MAGEC3: variants seen among roughly 807,000 people sequenced by gnomAD.
MAGEC3 encodes melanoma-associated antigen C3.
A neutral mutation model predicts 35.3 loss-of-function variants in MAGEC3; 34 were observed. The ratio of observed to expected loss-of-function variants is 0.96; its 90% CI spans 0.73 to 1.28. The LOEUF is 1.28. Among genes scored for constraint, MAGEC3 ranks in the 50% most tolerant of loss-of-function variants. The pLI, the probability that MAGEC3 is intolerant of heterozygous loss-of-function variation, is 0.00. For missense variants in MAGEC3, 561 were observed against 483.6 expected (o/e 1.16, Z -1.50); for synonymous variants, 202 against 185.6 (o/e 1.09, Z -0.72).
intron 1 of MAGEC3, among the ~76,000 whole-genome samples, chrX:141,864,206 A>G (rs186753026): frequency 2.8e-5 from 3 of 108,364 alleles, no homozygotes; most frequent in Admixed American, 2.0e-4. Context: ...TGGCCTGGGC[A>G]TGGTGGCTCA....
intron 1 of MAGEC3, among the ~76,000 whole-genome samples, chrX:141,842,523 T>C (rs1159787523): frequency 8.9e-6 from 1 of 111,883 alleles, no homozygotes; most frequent in African/African-American, 3.2e-5. Flanking sequence ...GTGGTAGGTG[T>C]TGTCACGTTT....
intron 1 of MAGEC3, among the ~76,000 whole-genome samples, chrX:141,863,456 G>T (rs1035197294): frequency 7.2e-5 from 8 of 111,461 alleles, no homozygotes; most frequent in Non-Finnish European, 1.1e-4. Flanking sequence ...ATGAACCCTA[G>T]CTAAATTGTA....
intron 1 of MAGEC3, among the ~76,000 whole-genome samples, chrX:141,858,808 A>T (rs2017797444): frequency 9.0e-6 from 1 of 111,080 alleles, no homozygotes; most frequent in African/African-American, 3.3e-5. Flanking sequence ...GTATGTATAT[A>T]TATAACAACA....
chrX:141,869,269 T>C (rs1281986360), intron 2 of MAGEC3, among the ~76,000 whole-genome samples: 4 of 111,796 alleles, frequency 3.6e-5, no homozygotes, highest in African/African-American at 1.3e-4. Flanking sequence ...TGTGTTCTGT[T>C]ACAAAAGAAA....
At chrX:141,890,999 TA>T (rs1290355448) in intron 4 of MAGEC3, among the ~76,000 whole-genome samples, 6 of 112,089 alleles carry the variant, frequency 5.4e-5, no homozygotes, top group Non-Finnish European at 1.1e-4. Flanking sequence ...ACTGTGTGAT[TA>T]AACAATAGAA....
chrX:141,838,348 C>T lies in MAGEC3; in HGVS notation c.33C>T (p.Ala11=), dbSNP rs138322375. The stretch of plus-strand genomic sequence containing the variant: ...TGCCCTGCCACTGGGTGTTGGATGC[C>T]ACCTTCAGTGATGGCAGTCTAGGCC... MLLPCHWVLD[A]TFSDGSLGQW... The change falls in exon 1 of 8, where the codon GCC becomes GCT. Residue 11 remains alanine, a synonymous_variant. Transcript: ENST00000298296. The T allele has an allele frequency of 8.8e-5, 106 of 1,209,483 alleles. No individual in the cohort carries two copies. In the Middle Eastern group the frequency reaches 2.1e-3, roughly 24 times the overall value.
At chrX:141,860,854 G>A (rs147187748) in intron 1 of MAGEC3, among the ~76,000 whole-genome samples, 1,679 of 111,555 alleles carry the variant, frequency 0.015, 14 homozygotes, top group Middle Eastern at 0.037. Flanking sequence ...GGAATGCAAA[G>A]TGGTTCTGGA....
chrX:141,885,557 C>T (rs145498171), intron 4 of MAGEC3, among the ~76,000 whole-genome samples: 1 of 101,005 alleles, frequency 9.9e-6, no homozygotes, highest in Non-Finnish European at 2.0e-5. Context: ...CCCAGCTACT[C>T]AAGAGGCTGA....
chrX:141,880,579 G>A (rs958956025), intron 3 of MAGEC3: 7 of 354,028 alleles, frequency 2.0e-5, no homozygotes, highest in Non-Finnish European at 3.0e-5. Flanking sequence ...CAGCAGAGGA[G>A]GCCCAGGCAA....
At chrX:141,845,948 T>G (rs778770009) in intron 1 of MAGEC3, among the ~76,000 whole-genome samples, 5 of 110,747 alleles carry the variant, frequency 4.5e-5, no homozygotes, top group Non-Finnish European at 5.7e-5. Flanking sequence ...AGAGGTATAG[T>G]GAAAGTAAGT....
At chrX:141,846,503 A>G (rs939093614) in intron 1 of MAGEC3, among the ~76,000 whole-genome samples, 4 of 110,566 alleles carry the variant, frequency 3.6e-5, no homozygotes, top group Non-Finnish European at 7.6e-5. Context: ...AAAATATTTA[A>G]TAGTACAGAC....
At chrX:141,890,098 G>T (rs971212710) in intron 4 of MAGEC3, among the ~76,000 whole-genome samples, 1 of 111,889 alleles carries the variant, frequency 8.9e-6, no homozygotes, top group African/African-American at 3.3e-5. Context: ...ATTTCTGGTT[G>T]TATGAAGGAG....
Position 141,896,951 on chromosome X carries a change from G to T in MAGEC3, c.1193G>T (p.Gly398Val), listed in dbSNP as rs1395481887. The T allele has an allele frequency of 8.4e-6, 10 of 1,188,888 alleles. No homozygotes were observed. The highest frequency in any genetic ancestry group is 4.8e-5 in the Admixed American group (2 of 41,963). ...PQSPPEIPPQ[G>V]PPKISPQGPP... is the part of the protein sequence containing the mutation. Reference sequence around the variant, plus strand: ...AGTCCTCCTGAGATTCCTCCCCAGGGTCCTCCCAAGATCTCTCCCCAGGGT... The same window carrying T: ...AGTCCTCCTGAGATTCCTCCCCAGGTTCCTCCCAAGATCTCTCCCCAGGGT... The change falls in exon 7 of 8, where the codon GGT becomes GTT. Residue 398 changes from glycine (G) to valine (V), a missense_variant. Transcript: ENST00000298296.
chrX:141,896,814 C>T, intron 6 of MAGEC3, 68 bp from the exon 7 acceptor site: 1 of 1,206,139 alleles, frequency 8.3e-7, no homozygotes, highest in East Asian at 3.0e-5. Flanking sequence ...TCCCCTCCTC[C>T]TCTTCCTTGT....
chrX:141,872,693 G>A (rs1477026270), intron 2 of MAGEC3, among the ~76,000 whole-genome samples: 5 of 111,241 alleles, frequency 4.5e-5, no homozygotes, highest in African/African-American at 1.6e-4. Context: ...GAGAGAGAGA[G>A]AGAAAGACGG....
intron 6 of MAGEC3, chrX:141,896,610 C>T: frequency 8.4e-7 from 1 of 1,195,057 alleles, no homozygotes; most frequent in Non-Finnish European, 1.1e-6. Context: ...TCATCCCCAT[C>T]CCTGCTCACA....
intron 1 of MAGEC3, among the ~76,000 whole-genome samples, chrX:141,849,777 A>G (rs1406610445): frequency 9.0e-6 from 1 of 111,560 alleles, no homozygotes; most frequent in African/African-American, 3.2e-5. Flanking sequence ...AGGAATGCCT[A>G]TACACCGTTG....
In MAGEC3 at chrX:141,881,494, G is replaced by A. The variant is rs370951100; in HGVS notation, c.607G>A (p.Glu203Lys). 2.9e-4 allele frequency: 354 copies of A among 1,209,644 alleles called. No homozygotes were observed. Among genetic ancestry groups the A allele is most frequent in the South Asian group, 5.6e-4 (32 of 56,772 alleles). ...QFLLLKYQAK[E>K]PLTRAEMQMN... is the part of the protein sequence containing the mutation. ...TCTTCTCCTCAAATATCAAGCAAAA[G>A]AGCCTCTCACAAGAGCAGAGATGCA... is the stretch of plus-strand genomic sequence containing the variant. Residue 203 changes from glutamate to lysine, a missense_variant, in exon 4 of 8, where the codon GAG becomes AAG. Coordinates refer to ENST00000298296, the MANE Select transcript of MAGEC3 (RefSeq NM_138702.1).
intron 1 of MAGEC3, among the ~76,000 whole-genome samples, chrX:141,844,040 A>G (rs1346718144): frequency 9.0e-6 from 1 of 110,558 alleles, no homozygotes; most frequent in African/African-American, 3.3e-5. Context: ...CCTGATTTTG[A>G]AGCTTATACG....
Sources: gnomAD v4.1 joint callset for allele counts (sites outside exome capture counted in the v4.1 genomes callset) on GRCh38, gnomAD v4.1.1 for gene constraint, MANE v1.5 for transcripts, NCBI Gene and HGNC (gene_info 2026-07-23, HGNC 2026-07-21) for gene names.